RYR3: variants seen among roughly 807,000 people sequenced by gnomAD.
The protein encoded by RYR3 is ryanodine receptor 3.
In RYR3, 207 loss-of-function variants were observed where a neutral mutation model predicts 584.3. That is an observed-to-expected ratio of 0.35 (90% CI 0.32 to 0.40). The LOEUF (loss-of-function observed/expected upper bound fraction) is 0.40. Ranked by LOEUF, RYR3 falls within the 10% of genes least tolerant of loss-of-function variation. The probability of loss-of-function intolerance (pLI) is 1.00; values close to 1 mark genes in which losing one functional copy is unlikely to be tolerated. For synonymous variants in RYR3, 2,416 were observed against 2,248.5 expected (o/e 1.07, Z -2.11); for missense variants, 5,616 against 6,089.2 (o/e 0.92, Z 2.59).
intron 1 of RYR3, among the ~76,000 whole-genome samples, chr15:33,319,291 A>G (rs1968627043): frequency 7.1e-6 from 1 of 141,806 alleles, no homozygotes; most frequent in African/African-American, 2.7e-5. Context: ...AGAAGGAGAG[A>G]TCCCGTTGGC....
At chr15:33,502,662 G>T (rs901321413) in intron 2 of RYR3, among the ~76,000 whole-genome samples, 1 of 152,168 alleles carries the variant, frequency 6.6e-6, no homozygotes, top group Non-Finnish European at 1.5e-5. Context: ...TTGAATATTT[G>T]CTGATCTAAA....
intron 38 of RYR3, among the ~76,000 whole-genome samples, chr15:33,672,452 A>G (rs1374035617): frequency 2.6e-5 from 4 of 152,176 alleles, no homozygotes; most frequent in Admixed American, 6.5e-5. Context: ...GTTTCGTGTC[A>G]TAAGTACTCT....
At chr15:33,677,493 C>T (rs1188206168) in intron 38 of RYR3, among the ~76,000 whole-genome samples, 3 of 152,138 alleles carry the variant, frequency 2.0e-5, no homozygotes, top group African/African-American at 7.2e-5. Context: ...GTCATTTAAT[C>T]GCCTACATGT....
intron 16 of RYR3, among the ~76,000 whole-genome samples, chr15:33,598,941 G>A (rs2059529650): frequency 6.6e-6 from 1 of 152,132 alleles, no homozygotes; most frequent in African/African-American, 2.4e-5. Flanking sequence ...TGTAGTCCCA[G>A]CTACTTGGGA....
At chr15:33,818,862 G>A (rs201806696) in intron 76 of RYR3, among the ~76,000 whole-genome samples, 178 bp downstream of exon 76, 1 of 152,204 alleles carries the variant, frequency 6.6e-6, no homozygotes, top group Non-Finnish European at 1.5e-5. Context: ...GGTGGCTCAC[G>A]CCTGTAATCC....
intron 19 of RYR3, 69 bp downstream of exon 19, chr15:33,613,444 G>A (rs1046469435): frequency 7.6e-6 from 11 of 1,454,616 alleles, no homozygotes; most frequent in South Asian, 1.3e-5. Flanking sequence ...TGTGAGCTGC[G>A]AAGCCAGCAG....
At chr15:33,661,217 A>C (rs2063140765) in intron 34 of RYR3, among the ~76,000 whole-genome samples, 1 of 152,088 alleles carries the variant, frequency 6.6e-6, no homozygotes, top group Non-Finnish European at 1.5e-5. Flanking sequence ...CGTGAGACTA[A>C]ATGAAAAATC....
In RYR3 at chr15:33,603,292, G is replaced by C. The variant is rs987429493; in HGVS notation, c.2092G>C (p.Glu698Gln). The change falls in exon 18 of 104, where the codon GAA (glutamate) becomes CAA (glutamine). Residue 698 changes from glutamate to glutamine, a missense_variant. By Grantham distance (29) the Glu-to-Gln change is conservative. Transcript: ENST00000634891. Reference protein sequence around the residue: ...SGYAPYPGGGEGWGGNGVGDD... With the variant: ...SGYAPYPGGGQGWGGNGVGDD... ...CTATGCCCCATACCCAGGAGGTGGA[G>C]AAGGATGGGGAGGCAATGGTGTTGG... is the stretch of plus-strand genomic sequence containing the variant. 1 of 1,613,674 alleles carries C rather than the reference G, an allele frequency of 6.2e-7. No individual in the cohort carries two copies. Among genetic ancestry groups the C allele is most frequent in the Non-Finnish European group, 8.5e-7 (1 of 1,179,774 alleles).
chr15:33,784,614 G>T (rs1023883827), intron 65 of RYR3, among the ~76,000 whole-genome samples: 1 of 152,282 alleles, frequency 6.6e-6, no homozygotes, highest in African/African-American at 2.4e-5. Context: ...TTTTGCCCCC[G>T]TTTGAGAAGT....
intron 102 of RYR3, 114 bp downstream of exon 102, chr15:33,861,292 G>A: frequency 1.5e-6 from 1 of 677,398 alleles, no homozygotes; most frequent in Non-Finnish European, 2.6e-6. Context: ...ACTTCCAGGA[G>A]TCCCCATGAG....
intron 50 of RYR3, 39 bp from the exon 51 acceptor site, chr15:33,739,793 T>C (rs1332742687): frequency 6.3e-7 from 1 of 1,581,168 alleles, no homozygotes. Context: ...GGCATGGTTC[T>C]GCTTTCTCTA....
chr15:33,425,695 G>A (rs1000004277), intron 1 of RYR3, among the ~76,000 whole-genome samples: 6 of 145,820 alleles, frequency 4.1e-5, no homozygotes, highest in African/African-American at 1.5e-4. Context: ...AGGCTGGAGT[G>A]AATTGCCGTG....
intron 38 of RYR3, among the ~76,000 whole-genome samples, chr15:33,671,805 C>CTTTTTTTTTTTTTTTT (rs56206846): frequency 1.2e-5 from 1 of 80,312 alleles, no homozygotes; most frequent in African/African-American, 5.5e-5. Context: ...CCTTCTTTTT[C>CTTTTTTTTTTTTTTTT]TTTTTTTTTT....
chr15:33,650,722 C>G (rs2062416519), intron 31 of RYR3, among the ~76,000 whole-genome samples: 1 of 152,134 alleles, frequency 6.6e-6, no homozygotes, highest in African/African-American at 2.4e-5. Context: ...GTCAGCCTTC[C>G]CTATACGTGA....
intron 52 of RYR3, among the ~76,000 whole-genome samples, chr15:33,742,706 CTGGAGT>C (rs1674226563): frequency 6.6e-6 from 1 of 152,104 alleles, no homozygotes; most frequent in Non-Finnish European, 1.5e-5. Flanking sequence ...CATTTACTTA[CTGGAGT>C]TGTGCCCAAA....
intron 95 of RYR3, among the ~76,000 whole-genome samples, chr15:33,853,310 C>G (rs28549761): frequency 1.3e-5 from 2 of 152,204 alleles, no homozygotes; most frequent in African/African-American, 4.8e-5. Flanking sequence ...TCATTGTTTT[C>G]TGCATAGTAG....
At chr15:33,726,575 C>T in intron 46 of RYR3, 69 bp downstream of exon 46, 1 of 1,474,318 alleles carries the variant, frequency 6.8e-7, no homozygotes, top group Admixed American at 2.7e-5. Flanking sequence ...AGGACTCTGT[C>T]CCCAGCACAG....
At chr15:33,387,924 A>G (rs2041731957) in intron 1 of RYR3, among the ~76,000 whole-genome samples, 2 of 152,102 alleles carry the variant, frequency 1.3e-5, no homozygotes, top group Admixed American at 6.6e-5. Context: ...GACTAGAAAG[A>G]AAGAACAGAG....
At chr15:33,827,106 C>G in intron 84 of RYR3, 93 bp from the exon 85 acceptor site, 1 of 1,050,948 alleles carries the variant, frequency 9.5e-7, no homozygotes, top group Non-Finnish European at 1.4e-6. Flanking sequence ...AGCCTTTTCA[C>G]ATAGAATGTC....
Sources: gnomAD v4.1 joint callset for allele counts (sites outside exome capture counted in the v4.1 genomes callset) on GRCh38, gnomAD v4.1.1 for gene constraint, MANE v1.5 for transcripts, NCBI Gene and HGNC (gene_info 2026-07-23, HGNC 2026-07-21) for gene names.